SCN7A: variants seen among roughly 807,000 people sequenced by gnomAD.
SCN7A encodes sodium channel protein type 7 subunit alpha.
In SCN7A, 138 loss-of-function variants were observed where a neutral mutation model predicts 155.2. The ratio of observed to expected loss-of-function variants is 0.89; its 90% CI spans 0.77 to 1.02. The LOEUF (loss-of-function observed/expected upper bound fraction) is 1.02. Among genes scored for constraint, SCN7A ranks in the 50% least tolerant of loss-of-function variants. The probability of loss-of-function intolerance (pLI) is 0.00; values close to 1 mark genes in which losing one functional copy is unlikely to be tolerated. For synonymous variants in SCN7A, 693 were observed against 649.0 expected (o/e 1.07, Z -1.03); for missense variants, 2,058 against 1,986.6 (o/e 1.04, Z -0.68).
At chr2:166,457,809 A>T (rs1453816452) in intron 10 of SCN7A, among the ~76,000 whole-genome samples, 1 of 152,358 alleles carries the variant, frequency 6.6e-6, no homozygotes, top group East Asian at 1.9e-4. Context: ...AACATTACAA[A>T]TATAAAATAT....
intron 15 of SCN7A, among the ~76,000 whole-genome samples, chr2:166,439,055 G>GTA (rs66783423): frequency 0.038 from 4,259 of 113,356 alleles, 129 homozygotes; most frequent in Middle Eastern, 0.057. Flanking sequence ...GTGTGTGTGT[G>GTA]TATATATATA....
intron 7 of SCN7A, among the ~76,000 whole-genome samples, chr2:166,467,500 T>TATAC (rs1553519822): frequency 0.016 from 2,300 of 148,164 alleles, 50 homozygotes; most frequent in African/African-American, 0.047. Flanking sequence ...TATATATATA[T>TATAC]ACACACACAC....
intron 21 of SCN7A, among the ~76,000 whole-genome samples, chr2:166,413,981 G>GTGTGTATATA (rs1553513525): frequency 1.9e-5 from 1 of 53,526 alleles, no homozygotes; most frequent in Non-Finnish European, 3.5e-5. Context: ...ATGTGTATGT[G>GTGTGTATATA]TATATATATA....
intron 18 of SCN7A, among the ~76,000 whole-genome samples, chr2:166,425,729 C>T (rs781243336): frequency 2.0e-5 from 3 of 151,978 alleles, no homozygotes; most frequent in East Asian, 3.9e-4. Context: ...CTCTTTTGCC[C>T]GAACCATTGT....
chr2:166,473,039 G>A (rs1317251880), intron 5 of SCN7A, among the ~76,000 whole-genome samples: 1 of 151,716 alleles, frequency 6.6e-6, no homozygotes, highest in African/African-American at 2.4e-5. Context: ...GGTGGGAGGA[G>A]AGAGAGGATC....
chr2:166,455,862 T>A (rs1702262757), intron 11 of SCN7A, among the ~76,000 whole-genome samples: 1 of 152,204 alleles, frequency 6.6e-6, no homozygotes, highest in Non-Finnish European at 1.5e-5. Flanking sequence ...GTTTTACTTA[T>A]TTTGAACCAG....
intron 15 of SCN7A, among the ~76,000 whole-genome samples, chr2:166,438,719 A>AT (rs202120228): frequency 0.017 from 2,597 of 151,990 alleles, 26 homozygotes; most frequent in South Asian, 0.036. Flanking sequence ...ATCTCCTTAC[A>AT]TTTTTCCCCC....
chr2:166,410,448 G>T, intron 23 of SCN7A, 124 bp from the exon 24 acceptor site: 4 of 629,888 alleles, frequency 6.4e-6, no homozygotes, highest in Non-Finnish European at 1.1e-5. Context: ...CTTAAGTGCA[G>T]TGAATGAAAT....
intron 15 of SCN7A, among the ~76,000 whole-genome samples, chr2:166,437,148 A>G (rs1701856525): frequency 6.6e-6 from 1 of 152,176 alleles, no homozygotes; most frequent in Non-Finnish European, 1.5e-5. Context: ...AGGAGGAAAA[A>G]ATGGTTTTGG....
intron 2 of SCN7A, among the ~76,000 whole-genome samples, chr2:166,478,820 A>G (rs1412558287): frequency 6.6e-6 from 1 of 151,940 alleles, no homozygotes; most frequent in African/African-American, 2.4e-5. Flanking sequence ...TACCTATTTC[A>G]AGTTATCCTA....
chr2:166,425,665 T>G (rs138895397), intron 18 of SCN7A, among the ~76,000 whole-genome samples: 52 of 152,154 alleles, frequency 3.4e-4, no homozygotes, highest in African/African-American at 1.2e-3. Context: ...GACACCCGAA[T>G]CTCTGCTTCT....
At chr2:166,434,406 C>T (rs145860129) in intron 15 of SCN7A, among the ~76,000 whole-genome samples, 34 of 152,150 alleles carry the variant, frequency 2.2e-4, no homozygotes, top group African/African-American at 8.2e-4. Context: ...TGGGTGAGAG[C>T]ATCTGAAAAA....
intron 1 of SCN7A, among the ~76,000 whole-genome samples, chr2:166,491,879 C>G (rs1243796519): frequency 6.6e-6 from 1 of 152,002 alleles, no homozygotes; most frequent in Admixed American, 6.6e-5. Context: ...CCACCATAAG[C>G]TTTCAGGAGG....
intron 9 of SCN7A, among the ~76,000 whole-genome samples, chr2:166,463,775 G>T (rs543026993): frequency 6.6e-6 from 1 of 152,136 alleles, no homozygotes; most frequent in South Asian, 2.1e-4. Context: ...GAGGCCAGGC[G>T]CAGGGTGCAT....
chr2:166,441,306 G>C (rs1370098366), intron 15 of SCN7A, 90 bp downstream of exon 15: 3 of 881,606 alleles, frequency 3.4e-6, no homozygotes, highest in Non-Finnish European at 5.1e-6. Context: ...CACAGTTACA[G>C]ACCATTAGAT....
intron 6 of SCN7A, among the ~76,000 whole-genome samples, chr2:166,471,032 ATATC>A (rs780801199): frequency 4.6e-5 from 7 of 151,904 alleles, no homozygotes; most frequent in Non-Finnish European, 8.8e-5. Flanking sequence ...TGAAAAATGA[ATATC>A]TAGTGTTTTA....
At position 166,462,545 on chromosome 2, in the gene SCN7A, G is replaced by A. The variant is rs1559118099; in HGVS notation, c.942-15C>T. The A allele has an allele frequency of 2.5e-6, 4 of 1,608,442 alleles. No individual in the cohort carries two copies. The highest frequency in any genetic ancestry group is 1.7e-5 in the Admixed American group (1 of 58,662). ...CAGGACACTGACTAAAGAAGACAAA[G>A]AAAAAAACCTGCTTACTATTAGGTG... On this transcript the variant is annotated splice_polypyrimidine_tract_variant and intron_variant, in intron 9 of 25. Transcript: ENST00000643258.
intron 2 of SCN7A, among the ~76,000 whole-genome samples, chr2:166,485,189 GC>G (rs1703016725): frequency 6.6e-6 from 1 of 152,122 alleles, no homozygotes. Flanking sequence ...AAGACAGCAA[GC>G]TAATCTTACC....
intron 25 of SCN7A, among the ~76,000 whole-genome samples, chr2:166,408,278 T>A (rs1212934888): frequency 6.6e-6 from 1 of 151,980 alleles, no homozygotes; most frequent in Non-Finnish European, 1.5e-5. Flanking sequence ...CATTCTTCAT[T>A]CACATTCATT....
Sources: allele counts gnomAD v4.1 joint callset (sites outside exome capture counted in the v4.1 genomes callset), GRCh38; gene constraint gnomAD v4.1.1; transcripts MANE v1.5; gene names NCBI Gene and HGNC (gene_info 2026-07-23, HGNC 2026-07-21).